CSMD1: variants seen among roughly 807,000 people sequenced by gnomAD.
The protein encoded by CSMD1 is CUB and sushi domain-containing protein 1.
In CSMD1, 213 loss-of-function variants were observed where a neutral mutation model predicts 417.5. That is an observed-to-expected ratio of 0.51 (90% confidence interval 0.46 to 0.57). The LOEUF is 0.57. Ranked by LOEUF, CSMD1 falls within the 20% of genes least tolerant of loss-of-function variation. The probability of loss-of-function intolerance (pLI) is 0.00; values close to 1 mark genes in which losing one functional copy is unlikely to be tolerated. For synonymous variants in CSMD1, 2,862 were observed against 1,736.8 expected, an observed-to-expected ratio of 1.65 and a Z score of -16.11; for missense variants, 6,923 against 4,529.7, an observed-to-expected ratio of 1.53 and a Z score of -15.17.
At chr8:3,371,307 C>T (rs375222026) in intron 18 of CSMD1, among the ~76,000 whole-genome samples, 64 of 152,238 alleles carry the variant, frequency 4.2e-4, no homozygotes, top group East Asian at 2.3e-3. Flanking sequence ...AGTTCTCTAC[C>T]GCTCTGTGCT....
At position 4,572,271 on chromosome 8, in the gene CSMD1, T is replaced by C. The variant is rs565004279; in HGVS notation, c.302+65071A>G. Among the ~76,000 whole-genome samples, 16 of 152,332 alleles carry C rather than the reference T, an allele frequency of 1.1e-4. No homozygotes were observed. The South Asian group carries it at 3.3e-3, about 32-fold the overall frequency. On this transcript the variant is annotated intron_variant, in intron 2 of 69. Coordinates refer to ENST00000635120, the MANE Select transcript of CSMD1 (RefSeq NM_033225.6). ...GGCTGGTACCAGTTTTTCCTTTCCA[T>C]ATTTAGTGCTTCCTTCAGGAGCTCT...
At chr8:3,966,944 A>G (rs1275724120) in intron 5 of CSMD1, among the ~76,000 whole-genome samples, 1 of 152,216 alleles carries the variant, frequency 6.6e-6, no homozygotes, top group East Asian at 1.9e-4. Flanking sequence ...TGATCAAGAG[A>G]TAATTCAAAT....
At chr8:3,257,838 G>T (rs536014830) in intron 26 of CSMD1, among the ~76,000 whole-genome samples, 1 of 152,190 alleles carries the variant, frequency 6.6e-6, no homozygotes, top group Non-Finnish European at 1.5e-5. Context: ...GCAGGCAGCT[G>T]CAAGGGACTT....
At chr8:4,532,040 T>G (rs1643907218) in intron 2 of CSMD1, among the ~76,000 whole-genome samples, 1 of 135,320 alleles carries the variant, frequency 7.4e-6, no homozygotes, top group Non-Finnish European at 1.6e-5. Context: ...GCACCCCCAT[T>G]CAGTCACTCC....
rs1285679668 is a variant in CSMD1, at chr8:4,138,209, T to C, written c.416-106110A>G. 2.8e-5 allele frequency among the ~76,000 whole-genome samples: 2 copies of C among 70,340 alleles called. 1 individual carries two copies. Among genetic ancestry groups the C allele is most frequent in the Non-Finnish European group, 8.0e-5 (2 of 24,996 alleles). 46.1% of individuals were successfully genotyped at this position (70,340 alleles called of 152,430 possible). On this transcript the variant is annotated intron_variant, in intron 3 of 69. Transcript: ENST00000635120. ...GGATTACAGGCGCAGCCTTACATTT[T>C]TTTTTTTTTTTTTTTTCAGGTCTCT...
At chr8:4,225,480 A>T (rs2128810568) in intron 3 of CSMD1, among the ~76,000 whole-genome samples, 1 of 150,806 alleles carries the variant, frequency 6.6e-6, no homozygotes, top group East Asian at 2.0e-4. Context: ...AAATGCTTCA[A>T]GTTTATATAA....
At chr8:4,920,614 G>C (rs1045650187) in intron 1 of CSMD1, among the ~76,000 whole-genome samples, 1 of 151,992 alleles carries the variant, frequency 6.6e-6, no homozygotes, top group Admixed American at 6.6e-5. Context: ...CTGAAGTCAG[G>C]AGTTTGAGAC....
At chr8:3,762,914 C>G (rs1798089730) in intron 5 of CSMD1, among the ~76,000 whole-genome samples, 1 of 152,146 alleles carries the variant, frequency 6.6e-6, no homozygotes, top group Non-Finnish European at 1.5e-5. Context: ...AATCAACTTT[C>G]ACCTGCCTAC....
At chr8:4,307,379 G>C (rs546178723) in intron 3 of CSMD1, among the ~76,000 whole-genome samples, 35 of 152,236 alleles carry the variant, frequency 2.3e-4, no homozygotes, top group African/African-American at 8.4e-4. Flanking sequence ...AGCACAGCTT[G>C]GCCTCCTGCA....
chr8:3,627,943 A>T (rs1319294504), intron 7 of CSMD1, among the ~76,000 whole-genome samples: 1 of 152,214 alleles, frequency 6.6e-6, no homozygotes, highest in Non-Finnish European at 1.5e-5. Context: ...GTTGAAAAGG[A>T]AAATGAGAAG....
At chr8:3,989,977 A>T (rs1385095101) in intron 5 of CSMD1, among the ~76,000 whole-genome samples, 1 of 152,262 alleles carries the variant, frequency 6.6e-6, no homozygotes, top group Admixed American at 6.5e-5. Context: ...TGAAGATATC[A>T]AAATGTACAA....
intron 7 of CSMD1, among the ~76,000 whole-genome samples, chr8:3,683,705 G>T (rs1019369865): frequency 5.9e-5 from 9 of 152,030 alleles, no homozygotes; most frequent in Admixed American, 2.6e-4. Flanking sequence ...ACAGAAAGAG[G>T]CTCAAGCTCC....
chr8:4,033,970 G>T (rs2554567), intron 3 of CSMD1, among the ~76,000 whole-genome samples: 2 of 152,108 alleles, frequency 1.3e-5, no homozygotes, highest in Non-Finnish European at 2.9e-5. Flanking sequence ...TAGTATTCAA[G>T]TAAGCTATGA....
intron 5 of CSMD1, among the ~76,000 whole-genome samples, chr8:3,836,429 G>C (rs550417080): frequency 6.6e-6 from 1 of 152,156 alleles, no homozygotes; most frequent in South Asian, 2.1e-4. Flanking sequence ...CTCCAATGCA[G>C]AAATCTCCAA....
At chr8:4,055,835 G>A (rs1585218505) in intron 3 of CSMD1, among the ~76,000 whole-genome samples, 1 of 152,066 alleles carries the variant, frequency 6.6e-6, no homozygotes, top group African/African-American at 2.4e-5. Flanking sequence ...TTTTACAGTT[G>A]ATTTTCTTTT....
intron 1 of CSMD1, among the ~76,000 whole-genome samples, chr8:4,669,682 T>C (rs1375368930): frequency 6.6e-6 from 1 of 152,212 alleles, no homozygotes; most frequent in Non-Finnish European, 1.5e-5. Context: ...TGTTGGTTTT[T>C]TGCTAACTTG....
At chr8:3,288,247 T>C (rs1376151063) in intron 25 of CSMD1, among the ~76,000 whole-genome samples, 2 of 147,248 alleles carry the variant, frequency 1.4e-5, no homozygotes, top group Non-Finnish European at 2.9e-5. Context: ...TCATCAGGGA[T>C]ATTGGTCTAA....
intron 8 of CSMD1, among the ~76,000 whole-genome samples, chr8:3,612,821 A>C (rs541829174): frequency 1.4e-4 from 21 of 152,206 alleles, no homozygotes; most frequent in Admixed American, 1.2e-3. Flanking sequence ...CACATTTAGA[A>C]AGAATAAAGG....
intron 21 of CSMD1, among the ~76,000 whole-genome samples, chr8:3,352,932 G>T (rs1178396911): frequency 6.6e-6 from 1 of 152,074 alleles, no homozygotes; most frequent in Non-Finnish European, 1.5e-5. Flanking sequence ...ACACATGGGG[G>T]TATATAACAA....
Sources: allele counts gnomAD v4.1 joint callset (sites outside exome capture counted in the v4.1 genomes callset), GRCh38; gene constraint gnomAD v4.1.1; transcripts MANE v1.5; gene names NCBI Gene and HGNC (gene_info 2026-07-23, HGNC 2026-07-21).